Variants in ACYP2 observed in about 807,000 individuals in gnomAD.
ACYP2 encodes acylphosphatase 2.
Under a neutral mutation model 11.2 loss-of-function variants are expected in ACYP2, and 12 were observed. The ratio of observed to expected loss-of-function variants is 1.08; its 90% CI spans 0.69 to 1.74. The LOEUF is 1.74. ACYP2 is among the 40% of genes most tolerant of loss of function. ACYP2 has a pLI of 0.00. For missense variants in ACYP2, 134 were observed against 101.9 expected (o/e 1.31, Z -1.35); for synonymous variants, 43 against 32.2 (o/e 1.33, Z -1.13).
chr2:54,014,335 C>CT (rs1314612608), intron 2 of ACYP2, among the ~76,000 whole-genome samples: 2 of 151,836 alleles, frequency 1.3e-5, no homozygotes, highest in East Asian at 3.9e-4. Context: ...TTCTTTCTTT[C>CT]TTTTTTTGAG....
rs1183162322 is a variant in ACYP2, at chr2:54,014,414, AT to A, written c.63-36541del. 3.0e-4 allele frequency among the ~76,000 whole-genome samples: 46 copies of A among 151,830 alleles called. 1 individual carries two copies. The highest frequency in any genetic ancestry group is 1.0e-3 in the African/African-American group (42 of 41,408). On this transcript the variant is annotated intron_variant, in intron 2 of 6. Transcript: ENST00000607452. The stretch of plus-strand genomic sequence containing the variant: ...GGCTCACTGCAACCTCCACCTCCCC[AT>A]TTCAGGCAATTCTCCTGCCTCATCC...
At chr2:54,115,524 C>A (rs542849098) in intron 4 of ACYP2, 91 bp from the exon 1 acceptor site, 1 of 1,481,652 alleles carries the variant, frequency 6.7e-7, no homozygotes, top group Non-Finnish European at 9.0e-7. Flanking sequence ...CGCTCCCAGG[C>A]CCCGCAGTCT....
chr2:54,119,464 G>A (rs189247416), intron 4 of ACYP2, among the ~76,000 whole-genome samples: 23 of 152,178 alleles, frequency 1.5e-4, no homozygotes, highest in African/African-American at 4.1e-4. Flanking sequence ...AAGTAAATTC[G>A]CAATGGAAGA....
intron 4 of ACYP2, among the ~76,000 whole-genome samples, chr2:54,109,506 C>T (rs1356929282): frequency 6.6e-6 from 1 of 152,012 alleles, no homozygotes; most frequent in Admixed American, 6.6e-5. Context: ...GAAATCACCA[C>T]TAAAGAACTT....
In ACYP2 at chr2:54,095,299, C is replaced by T. The variant is rs185180641; in HGVS notation, c.277+37939C>T. Among the ~76,000 whole-genome samples, 263 of 152,362 alleles carry T rather than the reference C, an allele frequency of 1.7e-3. 7 individuals are homozygous for T. The East Asian group carries it at 0.045, about 26-fold the overall frequency. On this transcript the variant is annotated intron_variant, in intron 4 of 6. Coordinates refer to ENST00000607452, the MANE Select transcript of ACYP2 (RefSeq NM_001320586.2). The stretch of plus-strand genomic sequence containing the variant: ...ATGTCTACTTCTTTCTACACAGACA[C>T]GGCAACCATCCGATTTCTCAATCTT...
intron 2 of ACYP2, among the ~76,000 whole-genome samples, chr2:54,040,341 A>G (rs1163337863): frequency 3.3e-5 from 5 of 152,160 alleles, no homozygotes; most frequent in Non-Finnish European, 5.9e-5. Context: ...GGACTTGTTA[A>G]ACTTGAGATG....
intron 6 of ACYP2, chr2:54,253,584 TAAA>T (rs964021301): frequency 1.3e-5 from 2 of 152,040 alleles, no homozygotes; most frequent in Non-Finnish European, 2.9e-5. Context: ...ACGTGCATAC[TAAA>T]AAAAAGTACT....
intron 6 of ACYP2, chr2:54,143,190 G>C (rs918807631): frequency 2.6e-5 from 4 of 152,176 alleles, no homozygotes; most frequent in African/African-American, 4.8e-5. Flanking sequence ...GCCATAGCAG[G>C]CATGCCTGTT....
In ACYP2 at chr2:54,138,745, C is replaced by G. The variant is rs144373616; in HGVS notation, c.401C>G (p.Ser134Cys). 7.5e-6 allele frequency: 12 copies of G among 1,606,636 alleles called. No individual in the cohort carries two copies. In the Admixed American group the frequency reaches 2.1e-4, roughly 28 times the overall value. Reference sequence around the variant, plus strand: ...CAGGGGCCAGAAGACAAAGTCAATTCCATGTGAGTAGTAAAATTAATAACA... The same window carrying G: ...CAGGGGCCAGAAGACAAAGTCAATTGCATGTGAGTAGTAAAATTAATAACA... The change falls in exon 6 of 7, where the codon TCC (serine) becomes TGC (cysteine). Residue 134 changes from serine to cysteine, a missense_variant. Coordinates refer to ENST00000607452, the MANE Select transcript of ACYP2 (RefSeq NM_001320586.2).
chr2:54,032,260 T>C (rs1032341827), intron 2 of ACYP2, among the ~76,000 whole-genome samples: 59 of 152,336 alleles, frequency 3.9e-4, no homozygotes, highest in Middle Eastern at 3.4e-3. Context: ...TGGTTTTAGG[T>C]CTAACATTTA....
At chr2:54,115,784 C>T (rs1465967719) in intron 4 of ACYP2, 28 bp downstream of exon 1, 6 of 1,577,444 alleles carry the variant, frequency 3.8e-6, no homozygotes, top group Non-Finnish European at 5.2e-6. Context: ...GGTGGGAGAT[C>T]AAAAAGGTTA....
chr2:54,276,397 C>G (rs566919440), intron 6 of ACYP2, among the ~76,000 whole-genome samples: 1 of 152,256 alleles, frequency 6.6e-6, no homozygotes, highest in Non-Finnish European at 1.5e-5. Flanking sequence ...CACTTATTTA[C>G]ACACTGGGGG....
At chr2:54,051,079 T>A (rs1456553571) in intron 3 of ACYP2, 2 of 523,152 alleles carry the variant, frequency 3.8e-6, no homozygotes, top group African/African-American at 3.9e-5. Context: ...GGTCACAAAT[T>A]CCTTTAAAGA....
chr2:54,225,359 C>G (rs928065806), intron 6 of ACYP2, among the ~76,000 whole-genome samples: 1 of 152,006 alleles, frequency 6.6e-6, no homozygotes, highest in Non-Finnish European at 1.5e-5. Flanking sequence ...AATAATACAC[C>G]ATATTTATAT....
At chr2:54,295,539 G>A (rs183962120) in intron 6 of ACYP2, among the ~76,000 whole-genome samples, 29 of 152,196 alleles carry the variant, frequency 1.9e-4, no homozygotes, top group Middle Eastern at 3.4e-3. Flanking sequence ...CTCCTCCCAC[G>A]CATGGAAGCT....
intron 2 of ACYP2, among the ~76,000 whole-genome samples, chr2:54,039,466 A>G (rs1675105515): frequency 6.6e-6 from 1 of 150,912 alleles, no homozygotes; most frequent in Admixed American, 6.6e-5. Context: ...TAATTTTTGT[A>G]TTTTTTCTAG....
intron 2 of ACYP2, among the ~76,000 whole-genome samples, chr2:53,975,792 A>G (rs1044513485): frequency 1.3e-5 from 2 of 152,152 alleles, no homozygotes; most frequent in Admixed American, 1.3e-4. Flanking sequence ...AGATCGCGCC[A>G]CTGCACTCCA....
intron 2 of ACYP2, among the ~76,000 whole-genome samples, chr2:54,010,385 G>A (rs1395103460): frequency 2.0e-5 from 3 of 152,022 alleles, no homozygotes; most frequent in Non-Finnish European, 2.9e-5. Context: ...TCGGGAGGCC[G>A]AGATAGGAGA....
chr2:54,144,588 C>T (rs746070843), intron 6 of ACYP2, among the ~76,000 whole-genome samples: 4 of 151,128 alleles, frequency 2.6e-5, no homozygotes, highest in African/African-American at 4.9e-5. Flanking sequence ...GCAGGAGAAT[C>T]GCTTGAACCC....
Sources: gnomAD v4.1 joint callset for allele counts (sites outside exome capture counted in the v4.1 genomes callset) on GRCh38, gnomAD v4.1.1 for gene constraint, MANE v1.5 for transcripts, NCBI Gene and HGNC (gene_info 2026-07-23, HGNC 2026-07-21) for gene names.